The following GTF2I variants were observed in gnomAD, a reference collection of about 807,000 sequenced individuals.
GTF2I encodes the protein general transcription factor IIi, also known as general transcription factor II-I.
In GTF2I, 12 loss-of-function variants were observed where a neutral mutation model predicts 67.6. The observed-to-expected ratio is 0.18, with a 90% confidence interval of 0.11 to 0.29. GTF2I has a LOEUF of 0.29. GTF2I is among the 10% of genes least tolerant of loss of function. The pLI, the probability that GTF2I is intolerant of heterozygous loss-of-function variation, is 1.00. For synonymous variants in GTF2I, 149 were observed against 197.0 expected, an observed-to-expected ratio of 0.76 and a Z score of 2.04; for missense variants, 271 against 580.1, an observed-to-expected ratio of 0.47 and a Z score of 5.47.
chr7:74,661,621 A>G (rs1362590643), intron 1 of GTF2I, among the ~76,000 whole-genome samples: 2 of 152,138 alleles, frequency 1.3e-5, no homozygotes, highest in Middle Eastern at 3.2e-3. Context: ...TGGAGGTTGC[A>G]GTGAGATGAG....
At chr7:74,731,258 G>A (rs1307144323) in intron 14 of GTF2I, among the ~76,000 whole-genome samples, 8 of 137,956 alleles carry the variant, frequency 5.8e-5, no homozygotes, top group South Asian at 2.4e-4. Flanking sequence ...ACTAGCAAGC[G>A]GTAAAATTGT....
At chr7:74,723,294 T>A (rs923580892) in intron 12 of GTF2I, among the ~76,000 whole-genome samples, 1 of 151,262 alleles carries the variant, frequency 6.6e-6, no homozygotes, top group African/African-American at 2.4e-5. Context: ...CCTGGCTAAT[T>A]TTTTTTGTAT....
rs189567371 is a variant in GTF2I, at chr7:74,666,227, C to T, written c.-6+8159C>T. ...TAATTTGTTATATCTAGAAATTTAG[C>T]TCTTACTGTTGACTATAACACATAC... On this transcript the variant is annotated intron_variant, in intron 1 of 34. Transcript: ENST00000573035. Among the ~76,000 whole-genome samples, 210 of 152,294 alleles carry T rather than the reference C, an allele frequency of 1.4e-3. 1 individual carries two copies. Among genetic ancestry groups the T allele is most frequent in the Non-Finnish European group, 2.3e-3 (157 of 68,018 alleles).
intron 1 of GTF2I, among the ~76,000 whole-genome samples, chr7:74,675,775 C>T (rs777941061): frequency 1.3e-5 from 2 of 152,030 alleles, no homozygotes; most frequent in Middle Eastern, 3.4e-3. Context: ...CTTGGGAGGC[C>T]GAGGTGGGCA....
intron 1 of GTF2I, among the ~76,000 whole-genome samples, chr7:74,659,335 C>T (rs921610756): frequency 3.9e-5 from 6 of 152,178 alleles, no homozygotes; most frequent in Non-Finnish European, 5.9e-5. Flanking sequence ...TCCAGCGATC[C>T]TCCTGCCTCA....
chr7:74,711,949 C>CTTTTT (rs587731254), intron 9 of GTF2I, among the ~76,000 whole-genome samples: 2 of 134,138 alleles, frequency 1.5e-5, no homozygotes, highest in Non-Finnish European at 3.2e-5. Flanking sequence ...TCATTTCTCT[C>CTTTTT]TTTTTTTTTT....
At chr7:74,716,847 A>G (rs782205876) in intron 10 of GTF2I, 47 bp from the exon 11 acceptor site, 3 of 1,230,528 alleles carry the variant, frequency 2.4e-6, no homozygotes, top group South Asian at 2.5e-5. Flanking sequence ...TCATCTTTCA[A>G]TGTCAGTTTT....
chr7:74,732,112 T>C (rs1458114312), intron 14 of GTF2I, among the ~76,000 whole-genome samples: 6 of 147,730 alleles, frequency 4.1e-5, no homozygotes, highest in African/African-American at 7.5e-5. Flanking sequence ...CACATATACA[T>C]ATATATGTAT....
intron 17 of GTF2I, among the ~76,000 whole-genome samples, chr7:74,735,817 C>T (rs1248857849): frequency 3.5e-5 from 1 of 28,304 alleles, no homozygotes; most frequent in Non-Finnish European, 6.4e-5. Flanking sequence ...TACAGGTGCC[C>T]GCCACCACGC....
chr7:74,690,839 TTTAAAATCAGG>T, intron 2 of GTF2I, 123 bp from the exon 3 acceptor site: 1 of 824,066 alleles, frequency 1.2e-6, no homozygotes, highest in Non-Finnish European at 2.0e-6. Context: ...TTGTCTTTTG[TTTAAAATCAGG>T]CCAAAAACTA....
chr7:74,698,928 A>T (rs1381807001), intron 3 of GTF2I, 33 bp from the exon 4 acceptor site: 7 of 1,116,968 alleles, frequency 6.3e-6, no homozygotes, highest in Non-Finnish European at 7.2e-6. Flanking sequence ...CCTTATTATT[A>T]TTTTTTTATT....
At chr7:74,734,439 T>C (rs1794726920) in intron 16 of GTF2I, among the ~76,000 whole-genome samples, 2 of 151,058 alleles carry the variant, frequency 1.3e-5, no homozygotes, top group African/African-American at 4.9e-5. Flanking sequence ...TTTTGTTTTT[T>C]GAGAGGGAAT....
At chr7:74,732,772 G>T in intron 15 of GTF2I, 110 bp downstream of exon 15, 2 of 1,410,740 alleles carry the variant, frequency 1.4e-6, no homozygotes, top group Non-Finnish European at 9.5e-7. Context: ...TGAAGTTTGA[G>T]TTATTTTATG....
chr7:74,678,176 T>A (rs1195351471), intron 1 of GTF2I, among the ~76,000 whole-genome samples: 1 of 149,746 alleles, frequency 6.7e-6, no homozygotes, highest in African/African-American at 2.5e-5. Context: ...TGTCTCGGCC[T>A]CCCAGAGCGC....
At chr7:74,671,975 C>A (rs782348715) in intron 1 of GTF2I, among the ~76,000 whole-genome samples, 2 of 151,642 alleles carry the variant, frequency 1.3e-5, no homozygotes, top group Non-Finnish European at 1.5e-5. Context: ...CAGAGCAAGA[C>A]CCTGTCTCAA....
At chr7:74,711,766 C>T (rs908238855) in intron 9 of GTF2I, among the ~76,000 whole-genome samples, 5 of 152,100 alleles carry the variant, frequency 3.3e-5, no homozygotes, top group African/African-American at 1.2e-4. Flanking sequence ...CAGCGTTGCA[C>T]GTATCAGTAG....
chr7:74,679,892 C>T (rs1787063080), intron 1 of GTF2I, among the ~76,000 whole-genome samples: 1 of 151,406 alleles, frequency 6.6e-6, no homozygotes, highest in Non-Finnish European at 1.5e-5. Flanking sequence ...ACCAGCCTGG[C>T]CAACGTGGTG....
intron 1 of GTF2I, among the ~76,000 whole-genome samples, chr7:74,659,427 T>A (rs1804272605): frequency 6.6e-6 from 1 of 151,768 alleles, no homozygotes; most frequent in Non-Finnish European, 1.5e-5. Context: ...TCTCACTCTG[T>A]GGCCCAGGCT....
At position 74,690,836 on chromosome 7, in the gene GTF2I, T is replaced by C. The variant is rs183150566; in HGVS notation, c.100-137T>C. On this transcript the variant is annotated intron_variant, in intron 2 of 34. Coordinates refer to ENST00000573035, the MANE Select transcript of GTF2I (RefSeq NM_032999.4). ...TTCCTTATAAATTCTGTGTTGTCTT[T>C]TGTTTAAAATCAGGCCAAAAACTAT... 1.3e-3 allele frequency: 1,036 copies of C among 787,292 alleles called. 2 individuals are homozygous for C. Among genetic ancestry groups the C allele is most frequent in the Admixed American group, 2.5e-3 (95 of 38,326 alleles). The allele number at this position is 787,292 out of a possible 1,614,324, so 48.8% of individuals were successfully genotyped here. A position where few individuals can be genotyped will look rare whatever the true frequency, so the allele number is the denominator to read the frequency against.
Sources: gnomAD v4.1 joint callset for allele counts (sites outside exome capture counted in the v4.1 genomes callset) on GRCh38, gnomAD v4.1.1 for gene constraint, MANE v1.5 for transcripts, NCBI Gene and HGNC (gene_info 2026-07-23, HGNC 2026-07-21) for gene names.